The following MPPED2 variants were observed in gnomAD, a reference collection of about 807,000 sequenced individuals.
MPPED2 encodes metallophosphoesterase MPPED2.
In MPPED2, 5 loss-of-function variants were observed where a neutral mutation model predicts 33.0. The observed-to-expected ratio is 0.15, with a 90% CI of 0.08 to 0.32. MPPED2 has a LOEUF of 0.32. Among genes scored for constraint, MPPED2 ranks in the 10% least tolerant of loss-of-function variants. The pLI is 1.00. For missense variants in MPPED2, 275 were observed against 372.1 expected (o/e 0.74, Z 2.15); for synonymous variants, 136 against 141.9 (o/e 0.96, Z 0.29).
intron 2 of MPPED2, among the ~76,000 whole-genome samples, chr11:30,570,500 G>A (rs1415054706): frequency 6.6e-6 from 1 of 152,116 alleles, no homozygotes; most frequent in Non-Finnish European, 1.5e-5. Context: ...AAGAGCAATA[G>A]TTAAGATTTT....
intron 2 of MPPED2, among the ~76,000 whole-genome samples, chr11:30,549,304 T>C (rs1257866136): frequency 6.6e-6 from 1 of 152,216 alleles, no homozygotes; most frequent in African/African-American, 2.4e-5. Context: ...TTTCCCCTGC[T>C]CTATTTCCAA....
At chr11:30,474,260 T>C (rs896576045) in intron 4 of MPPED2, among the ~76,000 whole-genome samples, 15 of 152,170 alleles carry the variant, frequency 9.9e-5, no homozygotes, top group Admixed American at 7.9e-4. Flanking sequence ...CAGATGGCCA[T>C]GGTCCTTGGA....
At chr11:30,540,210 G>T (rs1208753182) in intron 2 of MPPED2, among the ~76,000 whole-genome samples, 1 of 152,152 alleles carries the variant, frequency 6.6e-6, no homozygotes, top group African/African-American at 2.4e-5. Context: ...GTGTTGCTAT[G>T]TGGATGCAAA....
At chr11:30,420,678 C>T (rs927667380) in intron 4 of MPPED2, among the ~76,000 whole-genome samples, 1 of 152,134 alleles carries the variant, frequency 6.6e-6, no homozygotes, top group South Asian at 2.1e-4. Flanking sequence ...GCTCTCTTTC[C>T]TACCTCAATT....
intron 4 of MPPED2, among the ~76,000 whole-genome samples, chr11:30,467,634 C>T (rs1456562331): frequency 6.6e-6 from 1 of 152,126 alleles, no homozygotes; most frequent in African/African-American, 2.4e-5. Flanking sequence ...ATTACAAGTG[C>T]GATCTAATTC....
intron 4 of MPPED2, among the ~76,000 whole-genome samples, chr11:30,466,089 C>G (rs989123200): frequency 6.6e-6 from 1 of 151,976 alleles, no homozygotes; most frequent in Non-Finnish European, 1.5e-5. Context: ...GAATGTAACT[C>G]CATGAGTGCA....
At position 30,543,792 on chromosome 11, in the gene MPPED2, C is replaced by CTT. The variant is rs35206591; in HGVS notation, c.129-7619_129-7618dup. On this transcript the variant is annotated intron_variant, in intron 2 of 6. Transcript: ENST00000358117. Reference sequence around the variant, plus strand: ...AAGGCGTTCCAGAAATGGCGTTGTTCTTTTTTTTTTTTTTTTTTTTTTTTT... The same window carrying CTT: ...AAGGCGTTCCAGAAATGGCGTTGTTCTTTTTTTTTTTTTTTTTTTTTTTTTTT... 2.7e-3 allele frequency among the ~76,000 whole-genome samples: 291 copies of CTT among 106,610 alleles called. 1 individual carries two copies. The highest frequency in any genetic ancestry group is 4.6e-3 in the Non-Finnish European group (236 of 51,534). The allele number at this position is 106,610 out of a possible 152,430, so 69.9% of individuals were successfully genotyped here. A position where few individuals can be genotyped will look rare whatever the true frequency, so the allele number is the denominator to read the frequency against.
chr11:30,442,937 G>C (rs1022076207), intron 4 of MPPED2, among the ~76,000 whole-genome samples: 1 of 152,030 alleles, frequency 6.6e-6, no homozygotes, highest in Non-Finnish European at 1.5e-5. Flanking sequence ...AGGCAGTAGC[G>C]AGCTATGATC....
intron 3 of MPPED2, among the ~76,000 whole-genome samples, chr11:30,508,600 G>T (rs1008275119): frequency 6.6e-6 from 1 of 152,126 alleles, no homozygotes; most frequent in Non-Finnish European, 1.5e-5. Flanking sequence ...TTCCTAGAAG[G>T]CTGCCTTGGC....
chr11:30,539,306 C>T (rs11031127), intron 2 of MPPED2, among the ~76,000 whole-genome samples: 28,251 of 152,112 alleles, frequency 0.19, 3,110 homozygotes, highest in Non-Finnish European at 0.25. Flanking sequence ...GCTGAGTTCT[C>T]AAATGACCTA....
rs530015658 is a variant in MPPED2, at chr11:30,577,712, A to G, written c.128+2534T>C. ...CTGTGTGAGGCCATCAGGCCTACAA[A>G]ACAATGGCATGTTCTCAAGCAAGAA... On this transcript the variant is annotated intron_variant, in intron 2 of 6. Coordinates refer to ENST00000358117, the MANE Select transcript of MPPED2 (RefSeq NM_001584.3). Among the ~76,000 whole-genome samples, 3 of 152,338 alleles carry G rather than the reference A, an allele frequency of 2.0e-5. No homozygotes were observed. In the East Asian group the frequency reaches 5.8e-4, roughly 29 times the overall value.
At chr11:30,472,274 T>C (rs1038004929) in intron 4 of MPPED2, among the ~76,000 whole-genome samples, 6 of 152,092 alleles carry the variant, frequency 3.9e-5, no homozygotes, top group African/African-American at 7.2e-5. Flanking sequence ...GGTGGGAGGA[T>C]TGCTTGAACC....
intron 4 of MPPED2, among the ~76,000 whole-genome samples, chr11:30,488,724 C>T (rs1042340085): frequency 1.3e-5 from 2 of 152,130 alleles, no homozygotes; most frequent in African/African-American, 4.8e-5. Context: ...TAAACAGAGC[C>T]CTGTAACTCT....
intron 2 of MPPED2, among the ~76,000 whole-genome samples, chr11:30,571,277 AT>A (rs1358228387): frequency 6.6e-6 from 1 of 152,038 alleles, no homozygotes; most frequent in East Asian, 1.9e-4. Context: ...AAATAAAAAA[AT>A]CTGCAAAAAT....
Position 30,410,862 on chromosome 11 carries a change from T to C in MPPED2, c.*606A>G, listed in dbSNP as rs1948076106. 4.1e-6 allele frequency: 4 copies of C among 985,758 alleles called. No homozygotes were observed. The highest frequency in any genetic ancestry group is 4.8e-6 in the Non-Finnish European group (4 of 829,884). The allele number at this position is 985,758 out of a possible 1,614,324, so 61.1% of individuals were successfully genotyped here. A position where few individuals can be genotyped will look rare whatever the true frequency, so the allele number is the denominator to read the frequency against. On this transcript the variant is annotated 3_prime_UTR_variant, in exon 7 of 7. Transcript: ENST00000358117. ...ACAATGAGACCTTGTATAACCACAA[T>C]AGGAATCTCACTAGTTAAACCATCC...
At chr11:30,497,293 C>T (rs1409829107) in intron 3 of MPPED2, among the ~76,000 whole-genome samples, 1 of 152,180 alleles carries the variant, frequency 6.6e-6, no homozygotes, top group Non-Finnish European at 1.5e-5. Flanking sequence ...ATTCCCAGTA[C>T]TGCACATGCT....
At chr11:30,408,162 C>A (rs1478301578), downstream of MPPED2, among the ~76,000 whole-genome samples, 1 of 152,218 alleles carries the variant, frequency 6.6e-6, no homozygotes, top group Non-Finnish European at 1.5e-5. Flanking sequence ...GGCAGCCACA[C>A]TGTCCCAAGG....
intron 3 of MPPED2, among the ~76,000 whole-genome samples, chr11:30,521,824 T>C (rs1001103004): frequency 1.3e-5 from 2 of 152,152 alleles, no homozygotes; most frequent in Non-Finnish European, 2.9e-5. Flanking sequence ...ATGTGGGACA[T>C]AGATACTGCC....
At chr11:30,531,487 G>C (rs961946987) in intron 3 of MPPED2, among the ~76,000 whole-genome samples, 1 of 152,182 alleles carries the variant, frequency 6.6e-6, no homozygotes, top group African/African-American at 2.4e-5. Context: ...GGGCCAATGC[G>C]GTGGTAGCTG....
Sources: gnomAD v4.1 joint callset for allele counts (sites outside exome capture counted in the v4.1 genomes callset) on GRCh38, gnomAD v4.1.1 for gene constraint, MANE v1.5 for transcripts, NCBI Gene and HGNC (gene_info 2026-07-23, HGNC 2026-07-21) for gene names.